The following DAP variants were observed in gnomAD, a reference collection of about 807,000 sequenced individuals.
DAP encodes the protein death-associated protein 1.
DAP carries 8 observed loss-of-function variants against 13.8 expected under a neutral mutation model. The ratio of observed to expected loss-of-function variants is 0.58; its 90% CI spans 0.34 to 1.05. DAP has a LOEUF of 1.05. Ranked by LOEUF, DAP falls within the 50% of genes least tolerant of loss-of-function variation. The probability of loss-of-function intolerance (pLI) is 0.03; values close to 1 mark genes in which losing one functional copy is unlikely to be tolerated. For synonymous variants in DAP, 47 were observed against 47.5 expected (o/e 0.99, Z 0.04); for missense variants, 106 against 133.2 (o/e 0.80, Z 1.01).
intron 2 of DAP, among the ~76,000 whole-genome samples, chr5:10,739,290 G>C (rs942189458): frequency 6.7e-6 from 1 of 150,332 alleles, no homozygotes; most frequent in African/African-American, 2.4e-5. Context: ...AATATGGTGA[G>C]GGGTAGATGG....
At chr5:10,727,275 T>C (rs915093697) in intron 2 of DAP, among the ~76,000 whole-genome samples, 2 of 152,186 alleles carry the variant, frequency 1.3e-5, no homozygotes, top group Admixed American at 1.3e-4. Context: ...GGGGAGCTTG[T>C]AGTCTGAGAA....
At chr5:10,705,169 C>T (rs1049201099) in intron 2 of DAP, among the ~76,000 whole-genome samples, 2 of 152,176 alleles carry the variant, frequency 1.3e-5, no homozygotes, top group African/African-American at 2.4e-5. Flanking sequence ...TTTCCTGATG[C>T]GTTTGAATCA....
intron 2 of DAP, among the ~76,000 whole-genome samples, chr5:10,731,944 C>A (rs1354789245): frequency 2.0e-5 from 3 of 152,204 alleles, no homozygotes; most frequent in Admixed American, 6.5e-5. Flanking sequence ...TGTGGTCAAC[C>A]CCATCCTGAG....
chr5:10,748,131 G>T lies in DAP; in HGVS notation c.152+44C>A, dbSNP rs770752556. On this transcript the variant is annotated intron_variant, in intron 2 of 3. Transcript: ENST00000230895. ...ACAAATGTTAATGCTTAACCGAATA[G>T]GGTTTTTGGAAAACATGCTCAAGAG... 6.0e-6 allele frequency: 8 copies of T among 1,344,124 alleles called. No homozygotes were observed. In the Admixed American group the frequency reaches 1.3e-4, roughly 23 times the overall value. The allele number at this position is 1,344,124 out of a possible 1,614,324, so 83.3% of individuals were successfully genotyped here. A position where few individuals can be genotyped will look rare whatever the true frequency, so the allele number is the denominator to read the frequency against.
At chr5:10,753,917 GAACAA>G (rs1479435813) in intron 1 of DAP, among the ~76,000 whole-genome samples, 1 of 152,178 alleles carries the variant, frequency 6.6e-6, no homozygotes, top group Non-Finnish European at 1.5e-5. Context: ...CCAGTGGAAG[GAACAA>G]AACAAAACAG....
At chr5:10,703,045 A>C (rs1363986577) in intron 2 of DAP, among the ~76,000 whole-genome samples, 1 of 152,018 alleles carries the variant, frequency 6.6e-6, no homozygotes, top group Non-Finnish European at 1.5e-5. Context: ...ACCTAAGGCT[A>C]CTCCACAATT....
chr5:10,752,373 TTG>T (rs1247046551), intron 1 of DAP, among the ~76,000 whole-genome samples: 1 of 152,270 alleles, frequency 6.6e-6, no homozygotes, highest in African/African-American at 2.4e-5. Context: ...CACATATTTA[TTG>T]TGATTGTTGT....
intron 2 of DAP, among the ~76,000 whole-genome samples, chr5:10,734,867 T>C (rs1299249661): frequency 1.3e-5 from 2 of 152,230 alleles, no homozygotes; most frequent in South Asian, 2.1e-4. Context: ...TTATTTTTTA[T>C]CTAAAGAAAC....
intron 2 of DAP, among the ~76,000 whole-genome samples, chr5:10,698,577 A>C (rs958882481): frequency 6.6e-6 from 1 of 152,184 alleles, no homozygotes; most frequent in Admixed American, 6.5e-5. Context: ...CCTGATATTG[A>C]CTATTCATGA....
At chr5:10,722,247 G>A (rs188092281) in intron 2 of DAP, among the ~76,000 whole-genome samples, 72 of 152,182 alleles carry the variant, frequency 4.7e-4, no homozygotes, top group Non-Finnish European at 6.2e-4. Flanking sequence ...TTAATCTGGT[G>A]GGCACCATCT....
intron 2 of DAP, among the ~76,000 whole-genome samples, chr5:10,685,912 C>T (rs144835171): frequency 1.5e-3 from 232 of 151,236 alleles, no homozygotes; most frequent in African/African-American, 5.4e-3. Flanking sequence ...ATATAAACAC[C>T]CTCCCCTCTA....
chr5:10,739,037 C>CT (rs1275771219), intron 2 of DAP, among the ~76,000 whole-genome samples: 1 of 151,656 alleles, frequency 6.6e-6, no homozygotes, highest in African/African-American at 2.4e-5. Context: ...TCTGTCACTA[C>CT]TAAAAATACA....
At chr5:10,690,927 T>C (rs191189949) in intron 2 of DAP, among the ~76,000 whole-genome samples, 2 of 152,230 alleles carry the variant, frequency 1.3e-5, no homozygotes, top group African/African-American at 4.8e-5. Flanking sequence ...TATTTCCCCA[T>C]ATCCCTGCCA....
At chr5:10,705,390 A>G (rs1045933929) in intron 2 of DAP, among the ~76,000 whole-genome samples, 4 of 152,190 alleles carry the variant, frequency 2.6e-5, no homozygotes, top group Admixed American at 2.0e-4. Context: ...TAGGGAATCC[A>G]TTTCTCCATC....
chr5:10,742,960 TTCAGAA>T (rs1739798287), intron 2 of DAP, among the ~76,000 whole-genome samples: 1 of 152,162 alleles, frequency 6.6e-6, no homozygotes, highest in Non-Finnish European at 1.5e-5. Context: ...CATCTATCCA[TTCAGAA>T]CCATATGTTC....
intron 2 of DAP, among the ~76,000 whole-genome samples, chr5:10,689,523 G>T (rs1338427310): frequency 6.6e-6 from 1 of 152,198 alleles, no homozygotes; most frequent in Non-Finnish European, 1.5e-5. Context: ...AGTCATGACT[G>T]AATCTGCTGA....
At chr5:10,750,505 C>T (rs1206479944) in intron 1 of DAP, among the ~76,000 whole-genome samples, 2 of 152,198 alleles carry the variant, frequency 1.3e-5, no homozygotes, top group African/African-American at 4.8e-5. Context: ...AGAGGACATT[C>T]TACTTGGGGC....
chr5:10,696,511 C>T (rs1274533684), intron 2 of DAP, among the ~76,000 whole-genome samples: 1 of 152,196 alleles, frequency 6.6e-6, no homozygotes, highest in Non-Finnish European at 1.5e-5. Flanking sequence ...GATGAGCAGC[C>T]TCTCAAAGCC....
intron 2 of DAP, among the ~76,000 whole-genome samples, chr5:10,719,772 C>T (rs1453554937): frequency 4.6e-5 from 7 of 152,194 alleles, no homozygotes; most frequent in Non-Finnish European, 1.0e-4. Flanking sequence ...ACTCCTGCCA[C>T]CCTGCCTTCT....
Sources: allele counts gnomAD v4.1 joint callset (sites outside exome capture counted in the v4.1 genomes callset), GRCh38; gene constraint gnomAD v4.1.1; transcripts MANE v1.5; gene names NCBI Gene and HGNC (gene_info 2026-07-23, HGNC 2026-07-21).